The following PITPNM2 variants were observed in gnomAD, a reference collection of about 807,000 sequenced individuals.
PITPNM2 encodes phosphatidylinositol transfer protein membrane associated 2.
In PITPNM2, 35 loss-of-function variants were observed where a neutral mutation model predicts 132.2. The observed-to-expected ratio is 0.26, with a 90% CI of 0.20 to 0.35. The LOEUF is 0.35. PITPNM2 is among the 10% of genes least tolerant of loss of function. The pLI is 1.00. For missense variants in PITPNM2, 1,332 were observed against 1,912.0 expected (o/e 0.70, Z 5.66); for synonymous variants, 738 against 799.2 (o/e 0.92, Z 1.29).
intron 2 of PITPNM2, among the ~76,000 whole-genome samples, chr12:123,074,527 ACACT>A (rs1325131453): frequency 1.2e-4 from 18 of 151,780 alleles, no homozygotes; most frequent in African/African-American, 4.1e-4. Flanking sequence ...CACACAACAC[ACACT>A]CACATATACA....
At chr12:123,033,080 G>A (rs1483340772) in intron 3 of PITPNM2, among the ~76,000 whole-genome samples, 1 of 152,246 alleles carries the variant, frequency 6.6e-6, no homozygotes, top group Non-Finnish European at 1.5e-5. Context: ...GGGAGGTGGA[G>A]GCCCTGCTGA....
rs181603263 is a variant in PITPNM2 at position 123,132,251 on chromosome 12, C to T, written c.-200+18502G>A. ...GTTGCAGAGACAGATGTCATTCATA[C>T]GCAGTGACCAGACATGGCCGTTAAC... On this transcript the variant is annotated intron_variant, in intron 1 of 25. Coordinates refer to ENST00000320201, the MANE Select transcript of PITPNM2 (RefSeq NM_020845.3). Among the ~76,000 whole-genome samples, 10 of 152,342 alleles carry T rather than the reference C, an allele frequency of 6.6e-5. No homozygotes were observed. In the South Asian group the frequency reaches 1.9e-3, roughly 28 times the overall value.
Position 123,000,298 on chromosome 12 carries a change from A to T in PITPNM2, c.1224+480T>A. The T allele has an allele frequency of 1.5e-6, 1 of 651,656 alleles. No homozygotes were observed. The highest frequency in any genetic ancestry group is 2.4e-5 in the Admixed American group (1 of 41,402). The allele number at this position is 651,656 out of a possible 1,614,324, so 40.4% of individuals were successfully genotyped here. ...CACAGAGAACCCCCGAAGCGGATAC[A>T]GGCGCTCTACCAAGACAGTTTTATT... On this transcript the variant is annotated intron_variant, in intron 10 of 25. Transcript: ENST00000320201. The surrounding 1 kb of genome is among the most constrained non-coding windows in gnomAD (Gnocchi z 5.4).
intron 16 of PITPNM2, 109 bp from the exon 17 acceptor site, chr12:122,990,818 G>C: frequency 8.0e-7 from 1 of 1,250,290 alleles, no homozygotes; most frequent in East Asian, 2.5e-5. Context: ...CTGGAGGCTG[G>C]GCAGCAGCTG....
rs958979880 is a variant in PITPNM2 at position 122,994,116 on chromosome 12, C to T, written c.2233+685G>A. Among the ~76,000 whole-genome samples, 7 of 152,302 alleles carry T rather than the reference C, an allele frequency of 4.6e-5. No individual in the cohort carries two copies. Among genetic ancestry groups the T allele is most frequent in the Non-Finnish European group, 7.3e-5 (5 of 68,028 alleles). On this transcript the variant is annotated intron_variant, in intron 15 of 25. Coordinates refer to ENST00000320201, the MANE Select transcript of PITPNM2 (RefSeq NM_020845.3). This position sits in a 1 kb window ranked among gnomAD's most constrained non-coding sequence, Gnocchi z 5.4. ...CTCAAACTCCTGACCTCAGCTGATC[C>T]GCCCGCCTCGGCCTCCCAAAGTGCT...
rs934967599 is a variant in PITPNM2 at position 123,122,802 on chromosome 12, G to A, written c.-199-12314C>T. Among the ~76,000 whole-genome samples, 4 of 152,172 alleles carry A rather than the reference G, an allele frequency of 2.6e-5. No homozygotes were observed. In the South Asian group the frequency reaches 6.2e-4, roughly 24 times the overall value. On this transcript the variant is annotated intron_variant, in intron 1 of 25. Transcript: ENST00000320201. ...TATGCCAGGAACTACCCTACAGCCTGCCCTTTGCGGTAGAAAAGGCTCTCA... is the reference window on the plus strand; with the variant it reads ...TATGCCAGGAACTACCCTACAGCCTACCCTTTGCGGTAGAAAAGGCTCTCA...
Position 123,014,040 on chromosome 12 carries a change from C to G in PITPNM2, c.81G>C (p.Lys27Asn), listed in dbSNP as rs1375314970. The stretch of plus-strand genomic sequence containing the variant: ...CGCCATATGTCTCGTTACGGCTCTT[C>G]TTCTGTGGGGACAAAAGCACCTGCA... ...YRIAQLYMIQ[K>N]KSRNETYGEG... Residue 27 changes from lysine (K) to asparagine (N), a missense_variant and splice_region_variant, in exon 4 of 26, where the codon AAG becomes AAC. Lys to Asn is a moderately conservative substitution (Grantham distance 94). Coordinates refer to ENST00000320201, the MANE Select transcript of PITPNM2 (RefSeq NM_020845.3). 6.2e-7 allele frequency: 1 copy of G among 1,614,212 alleles called. No individual in the cohort carries two copies. The highest frequency in any genetic ancestry group is 8.5e-7 in the Non-Finnish European group (1 of 1,180,012).
At chr12:123,063,287 T>A (rs2041309718) in intron 2 of PITPNM2, among the ~76,000 whole-genome samples, 1 of 152,246 alleles carries the variant, frequency 6.6e-6, no homozygotes, top group Non-Finnish European at 1.5e-5. Flanking sequence ...GTACCAGCAC[T>A]GCCACTGCCC....
intron 1 of PITPNM2, among the ~76,000 whole-genome samples, chr12:123,130,637 G>A (rs1281428286): frequency 4.6e-5 from 7 of 152,254 alleles, no homozygotes; most frequent in South Asian, 2.1e-4. Context: ...AAAATTAGCC[G>A]GGCGTGGTGG....
intron 3 of PITPNM2, among the ~76,000 whole-genome samples, chr12:123,015,121 T>C (rs2039370258): frequency 6.6e-6 from 1 of 152,210 alleles, no homozygotes; most frequent in South Asian, 2.1e-4. Context: ...CCAAACAACC[T>C]ACAGATATAA....
At chr12:123,120,891 A>G (rs2043019739) in intron 1 of PITPNM2, among the ~76,000 whole-genome samples, 1 of 152,238 alleles carries the variant, frequency 6.6e-6, no homozygotes, top group South Asian at 2.1e-4. Context: ...AGCATAACGA[A>G]GACCACACCC....
At chr12:122,988,432 G>A (rs909839641) in intron 19 of PITPNM2, 82 bp from the exon 20 acceptor site, 185 of 1,175,510 alleles carry the variant, frequency 1.6e-4, no homozygotes, top group Non-Finnish European at 2.1e-4. Context: ...CCCAGTACCC[G>A]GGAGCAAGAG....
chr12:122,987,351 AACCGTCGATGCTGAAG>A lies in PITPNM2; in HGVS notation c.3327_3342del (p.Phe1110ProfsTer36). On this transcript the variant is annotated frameshift_variant, in exon 23 of 26. Transcript: ENST00000320201. LOFTEE classifies it high-confidence loss of function. ...ATGATGGACACGCTAGCGGCAAAGG[AACCGTCGATGCTGAAG>A]ACCACGAACTCTGTGCCCTTGGGCA... The A allele has an allele frequency of 6.2e-7, 1 of 1,613,010 alleles. No individual in the cohort carries two copies. Among genetic ancestry groups the A allele is most frequent in the Non-Finnish European group, 8.5e-7 (1 of 1,180,030 alleles).
chr12:123,073,876 T>G (rs2041694456), intron 2 of PITPNM2, among the ~76,000 whole-genome samples: 1 of 152,166 alleles, frequency 6.6e-6, no homozygotes, highest in South Asian at 2.1e-4. Context: ...CTTCCTTTTC[T>G]CTTCTCAGAC....
intron 1 of PITPNM2, among the ~76,000 whole-genome samples, chr12:123,119,355 A>ACT (rs762896348): frequency 0.091 from 11,740 of 129,190 alleles, 1,996 homozygotes; most frequent in African/African-American, 0.31. Flanking sequence ...GAGGATGGTG[A>ACT]TTTTTTTTTT....
intron 3 of PITPNM2, among the ~76,000 whole-genome samples, chr12:123,025,478 G>A (rs1387732662): frequency 6.7e-6 from 1 of 149,854 alleles, no homozygotes; most frequent in Non-Finnish European, 1.5e-5. Context: ...TTCTTGCCCA[G>A]GCTGGGGTGC....
intron 1 of PITPNM2, among the ~76,000 whole-genome samples, chr12:123,125,245 G>A (rs945556588): frequency 5.9e-5 from 9 of 152,128 alleles, no homozygotes; most frequent in Admixed American, 1.3e-4. Flanking sequence ...TTTAGTAAGT[G>A]AAAGAATGAA....
intron 1 of PITPNM2, among the ~76,000 whole-genome samples, chr12:123,130,883 G>A (rs2043248259): frequency 6.6e-6 from 1 of 152,166 alleles, no homozygotes; most frequent in African/African-American, 2.4e-5. Flanking sequence ...GAGTCAGGAG[G>A]TGGCCAGGGT....
At chr12:123,103,698 C>T (rs1245326257) in intron 2 of PITPNM2, among the ~76,000 whole-genome samples, 1 of 152,194 alleles carries the variant, frequency 6.6e-6, no homozygotes, top group Non-Finnish European at 1.5e-5. Context: ...CAAATTTTGG[C>T]TCTGCAACTA....
Sources: allele counts gnomAD v4.1 joint callset (sites outside exome capture counted in the v4.1 genomes callset), GRCh38; gene constraint gnomAD v4.1.1; non-coding constraint Gnocchi (gnomAD v3.1); transcripts MANE v1.5; gene names NCBI Gene and HGNC (gene_info 2026-07-23, HGNC 2026-07-21).